The following CMTM4 variants were observed in gnomAD, a reference collection of about 807,000 sequenced individuals.
CMTM4 encodes CKLF-like MARVEL transmembrane domain-containing protein 4.
Under a neutral mutation model 19.0 loss-of-function variants are expected in CMTM4, and 8 were observed. That is an observed-to-expected ratio of 0.42 (90% confidence interval 0.25 to 0.76). The LOEUF is 0.76. Among genes scored for constraint, CMTM4 ranks in the 30% least tolerant of loss-of-function variants. The pLI is 0.27. For synonymous variants in CMTM4, 106 were observed against 121.1 expected (o/e 0.88, Z 0.82); for missense variants, 228 against 290.2 (o/e 0.79, Z 1.56).
intron 1 of CMTM4, among the ~76,000 whole-genome samples, chr16:66,658,724 A>G (rs894305070): frequency 6.6e-6 from 1 of 152,180 alleles, no homozygotes; most frequent in Admixed American, 6.5e-5. Context: ...ACTAGGTGCC[A>G]GTACTCCTCC....
At chr16:66,664,141 G>C (rs925138058) in intron 1 of CMTM4, among the ~76,000 whole-genome samples, 1 of 151,748 alleles carries the variant, frequency 6.6e-6, no homozygotes, top group African/African-American at 2.4e-5. Flanking sequence ...GCTGAGGCAG[G>C]AGAATTGCTT....
the CMTM4 span, among the ~76,000 whole-genome samples, chr16:66,603,290 T>C: frequency 6.6e-6 from 1 of 152,046 alleles, no homozygotes; most frequent in Admixed American, 6.5e-5. Flanking sequence ...TTTATTTATT[T>C]TTTTTTTTAT....
intron 1 of CMTM4, among the ~76,000 whole-genome samples, chr16:66,681,842 C>T (rs1229025771): frequency 6.6e-6 from 1 of 152,196 alleles, no homozygotes; most frequent in Non-Finnish European, 1.5e-5. Context: ...GTGAACCACA[C>T]TTGACTCACC....
intron 1 of CMTM4, among the ~76,000 whole-genome samples, chr16:66,651,178 G>T (rs1596932956): frequency 1.3e-5 from 2 of 152,252 alleles, no homozygotes; most frequent in East Asian, 3.9e-4. Flanking sequence ...TCCTCTCTTA[G>T]CAACCAACAG....
intron 1 of CMTM4, among the ~76,000 whole-genome samples, chr16:66,679,823 C>CAAA (rs748044272): frequency 3.1e-4 from 20 of 64,044 alleles, no homozygotes; most frequent in East Asian, 1.3e-3. Flanking sequence ...GACTCTATGT[C>CAAA]AAAAAAAAAA....
intron 1 of CMTM4, among the ~76,000 whole-genome samples, chr16:66,664,597 C>A: frequency 6.6e-6 from 1 of 151,166 alleles, no homozygotes; most frequent in African/African-American, 2.4e-5. Flanking sequence ...GTAAAGTGTA[C>A]AATATTAATG....
At chr16:66,649,831 C>A (rs1490676926) in intron 1 of CMTM4, among the ~76,000 whole-genome samples, 1 of 152,154 alleles carries the variant, frequency 6.6e-6, no homozygotes, top group Non-Finnish European at 1.5e-5. Context: ...AATCCCTGTA[C>A]ATGTCAGGAT....
downstream of CMTM4, chr16:66,609,927 C>G: frequency 1.9e-6 from 3 of 1,614,174 alleles, no homozygotes; most frequent in Non-Finnish European, 2.5e-6. The surrounding 1 kb of genome is among the most constrained non-coding windows in gnomAD (Gnocchi z 4.4). Context: ...CTGATTTCTA[C>G]CTGATCTTTA....
In CMTM4 at chr16:66,618,276, C is replaced by T. The variant is rs1001695457; in HGVS notation, c.*3782G>A. On this transcript the variant is annotated 3_prime_UTR_variant, in exon 4 of 4. Transcript: ENST00000394106. Reference sequence around the variant, plus strand: ...CCCCTTTCTGATACCTGTTTAACGTCATTATTACTCTGTAAACAAGATCTG... The same window carrying T: ...CCCCTTTCTGATACCTGTTTAACGTTATTATTACTCTGTAAACAAGATCTG... 1.0e-6 allele frequency: 1 copy of T among 985,306 alleles called. No individual in the cohort carries two copies. Among genetic ancestry groups the T allele is most frequent in the African/African-American group, 1.7e-5 (1 of 57,238 alleles). The allele number at this position is 985,306 out of a possible 1,614,324, so 61.0% of individuals were successfully genotyped here.
chr16:66,638,677 G>A (rs888422747), intron 1 of CMTM4, among the ~76,000 whole-genome samples: 2 of 152,002 alleles, frequency 1.3e-5, no homozygotes, highest in Non-Finnish European at 2.9e-5. Flanking sequence ...TGATTAACAC[G>A]GTGAAACCCC....
the CMTM4 span, among the ~76,000 whole-genome samples, chr16:66,608,713 C>T: frequency 6.6e-6 from 1 of 152,186 alleles, no homozygotes; most frequent in African/African-American, 2.4e-5. The surrounding 1 kb of genome is among the most constrained non-coding windows in gnomAD (Gnocchi z 5.1). Context: ...GGGTCTCTGG[C>T]CACCAGGTGG....
At chr16:66,652,908 AATTTT>A (rs2016336529) in intron 1 of CMTM4, among the ~76,000 whole-genome samples, 1 of 152,206 alleles carries the variant, frequency 6.6e-6, no homozygotes, top group Non-Finnish European at 1.5e-5. Context: ...CAAAAAGTCA[AATTTT>A]CAGACCGTTT....
downstream of CMTM4, chr16:66,609,872 C>G (rs371015388): frequency 6.2e-7 from 1 of 1,614,044 alleles, no homozygotes; most frequent in African/African-American, 1.3e-5. This position sits in a 1 kb window ranked among gnomAD's most constrained non-coding sequence, Gnocchi z 4.4. Context: ...TCCCATCCAC[C>G]CTGTCCACAG....
intron 2 of CMTM4, among the ~76,000 whole-genome samples, chr16:66,628,739 T>C (rs974155272): frequency 1.3e-5 from 2 of 152,234 alleles, no homozygotes; most frequent in African/African-American, 4.8e-5. Context: ...CCCCTACATC[T>C]TCCACTTAGT....
At chr16:66,604,993 G>A in the CMTM4 span, 5 of 1,425,092 alleles carry the variant, frequency 3.5e-6, no homozygotes, top group South Asian at 5.8e-5. Context: ...CTAGGACTGC[G>A]CGGCTCCTTT....
intron 1 of CMTM4, among the ~76,000 whole-genome samples, chr16:66,674,758 T>TTTTTTTGTGGGG (rs2016776750): frequency 6.9e-6 from 1 of 145,822 alleles, no homozygotes; most frequent in East Asian, 2.0e-4. Context: ...TTTTTTTTTT[T>TTTTTTTGTGGGG]GAGATGGAGT....
chr16:66,623,953 C>T (rs1220151589), intron 2 of CMTM4, among the ~76,000 whole-genome samples: 1 of 152,218 alleles, frequency 6.6e-6, no homozygotes, highest in African/African-American at 2.4e-5. Context: ...AGCCAGACTT[C>T]ACGCTCTTTC....
downstream of CMTM4, among the ~76,000 whole-genome samples, chr16:66,612,443 C>A (rs1238698808): frequency 6.6e-6 from 1 of 152,114 alleles, no homozygotes. This position sits in a 1 kb window ranked among gnomAD's most constrained non-coding sequence, Gnocchi z 6.0. Context: ...GGGCCTCAGG[C>A]CCGCGGCCTG....
intron 1 of CMTM4, among the ~76,000 whole-genome samples, chr16:66,680,780 A>G (rs2016899491): frequency 6.7e-6 from 1 of 148,842 alleles, no homozygotes; most frequent in African/African-American, 2.5e-5. Flanking sequence ...TCTCAAAAAA[A>G]AAAAAAAAAA....
Sources: allele counts gnomAD v4.1 joint callset (sites outside exome capture counted in the v4.1 genomes callset), GRCh38; gene constraint gnomAD v4.1.1; non-coding constraint Gnocchi (gnomAD v3.1); transcripts MANE v1.5; gene names NCBI Gene and HGNC (gene_info 2026-07-23, HGNC 2026-07-21).